BANP: variants seen among roughly 807,000 people sequenced by gnomAD.
BANP encodes the protein protein BANP.
Under a neutral mutation model 68.1 loss-of-function variants are expected in BANP, and 11 were observed. The observed-to-expected ratio is 0.16, with a 90% CI of 0.10 to 0.27. BANP has a LOEUF of 0.27. Ranked by LOEUF, BANP falls within the 10% of genes least tolerant of loss-of-function variation. The probability of loss-of-function intolerance (pLI) is 1.00; values close to 1 mark genes in which losing one functional copy is unlikely to be tolerated. For missense variants in BANP, 504 were observed against 722.7 expected (o/e 0.70, Z 3.47); for synonymous variants, 329 against 303.2 (o/e 1.09, Z -0.88).
At chr16:88,025,275 C>G (rs2076765874) in intron 7 of BANP, among the ~76,000 whole-genome samples, 1 of 150,112 alleles carries the variant, frequency 6.7e-6, no homozygotes, top group Admixed American at 6.6e-5. Flanking sequence ...CAGCTGGGCT[C>G]TCCTGTAAGG....
chr16:87,973,958 T>A (rs1331048321), intron 1 of BANP, among the ~76,000 whole-genome samples: 2 of 152,088 alleles, frequency 1.3e-5, no homozygotes, highest in East Asian at 3.9e-4. Flanking sequence ...GTTGAAACCA[T>A]GTGACCTGAA....
chr16:87,982,187 C>T (rs781519791), intron 3 of BANP, among the ~76,000 whole-genome samples: 2 of 152,240 alleles, frequency 1.3e-5, no homozygotes, highest in Non-Finnish European at 2.9e-5. Context: ...ACAGAACACA[C>T]ATCTGTTGCA....
chr16:87,967,326 C>G (rs1416060360), intron 1 of BANP, among the ~76,000 whole-genome samples: 3 of 145,042 alleles, frequency 2.1e-5, no homozygotes, highest in African/African-American at 7.7e-5. Flanking sequence ...CCAGGCCGCT[C>G]TCCAACTCTG....
intron 2 of BANP, among the ~76,000 whole-genome samples, chr16:87,975,433 C>T (rs1231588887): frequency 6.6e-6 from 1 of 152,220 alleles, no homozygotes; most frequent in African/African-American, 2.4e-5. Context: ...CCTGCTCCCA[C>T]TCCTTGGGGG....
Position 88,002,255 on chromosome 16 carries a change from AG to A in BANP, c.363-2036del, listed in dbSNP as rs1006870599. Among the ~76,000 whole-genome samples, 2 of 150,772 alleles carry A rather than the reference AG, an allele frequency of 1.3e-5. No homozygotes were observed. Among genetic ancestry groups the A allele is most frequent in the Non-Finnish European group, 3.0e-5 (2 of 67,482 alleles). ...CCTTGGCTTCTTTGAGTTGTGTGCCAGGGGTCTCAGTGGTCTGTCCTCAGAA... is the reference window on the plus strand; with the variant it reads ...CCTTGGCTTCTTTGAGTTGTGTGCCAGGGTCTCAGTGGTCTGTCCTCAGAA... On this transcript the variant is annotated intron_variant, in intron 4 of 13. Transcript: ENST00000682872. This position sits in a 1 kb window ranked among gnomAD's most constrained non-coding sequence, Gnocchi z 4.6.
rs886844055 is a variant in BANP at position 88,018,084 on chromosome 16, C to T, written c.656-344C>T. ...GGTTCCGCTCTGCAGGTGGCTGGGGCAGGTACCAACTGTGTGCAAGGATAT... is the reference window on the plus strand; with the variant it reads ...GGTTCCGCTCTGCAGGTGGCTGGGGTAGGTACCAACTGTGTGCAAGGATAT... On this transcript the variant is annotated intron_variant, in intron 6 of 13. Coordinates refer to ENST00000682872, the MANE Select transcript of BANP (RefSeq NM_001386991.1). The surrounding 1 kb of genome is among the most constrained non-coding windows in gnomAD (Gnocchi z 7.7). Among the ~76,000 whole-genome samples the T allele has an allele frequency of 2.6e-5, 4 of 152,040 alleles. No individual in the cohort carries two copies. Among genetic ancestry groups the T allele is most frequent in the Admixed American group, 1.3e-4 (2 of 15,268 alleles).
chr16:87,979,853 T>TA (rs34284117), intron 2 of BANP, among the ~76,000 whole-genome samples: 1 of 152,326 alleles, frequency 6.6e-6, no homozygotes, highest in South Asian at 2.1e-4. Context: ...TAGTCCCAGC[T>TA]ACTTGGGCTG....
At chr16:87,977,291 C>A (rs1452573725) in intron 2 of BANP, among the ~76,000 whole-genome samples, 4 of 152,228 alleles carry the variant, frequency 2.6e-5, no homozygotes, top group African/African-American at 9.6e-5. Flanking sequence ...TGGTGGCGGG[C>A]GCCTGTAGTC....
chr16:88,017,748 C>G (rs527916301), intron 6 of BANP, among the ~76,000 whole-genome samples: 1 of 152,378 alleles, frequency 6.6e-6, no homozygotes, highest in South Asian at 2.1e-4. Context: ...GGCACCGTGT[C>G]TCCTCCATGT....
Position 88,076,619 on chromosome 16 carries a change from G to C in BANP, c.1551G>C (p.Gln517His). ...QTAEALQPTL[Q>H]PEMQLEHGAI... is the part of the protein sequence containing the mutation. Reference sequence around the variant, plus strand: ...CCGAAGCCCTGCAGCCCACGCTACAGCCGGAGATGCAGCTCGAGCACGGGG... The same window carrying C: ...CCGAAGCCCTGCAGCCCACGCTACACCCGGAGATGCAGCTCGAGCACGGGG... The change falls in exon 14 of 14, where the codon CAG (glutamine) becomes CAC (histidine). Residue 517 changes from glutamine to histidine, a missense_variant. Around this residue, in one of 3 missense-constraint regions of BANP, gnomAD observed 223 missense variants for 246.2 expected, o/e 0.91. Coordinates refer to ENST00000682872, the MANE Select transcript of BANP (RefSeq NM_001386991.1). 6.2e-7 allele frequency: 1 copy of C among 1,611,980 alleles called. No homozygotes were observed. The highest frequency in any genetic ancestry group is 8.5e-7 in the Non-Finnish European group (1 of 1,179,740).
rs150577532 is a variant in BANP, at chr16:88,068,853, G to A, written c.1378-3216G>A. On this transcript the variant is annotated intron_variant, in intron 12 of 13. Coordinates refer to ENST00000682872, the MANE Select transcript of BANP (RefSeq NM_001386991.1). ...TCTCTCTTCCTTTCTTGGGAAGAAGGTTCTCTCTGCAGGGGCTCCACCTCC... is the reference window on the plus strand; with the variant it reads ...TCTCTCTTCCTTTCTTGGGAAGAAGATTCTCTCTGCAGGGGCTCCACCTCC... Among the ~76,000 whole-genome samples, 375 of 151,508 alleles carry A rather than the reference G, an allele frequency of 2.5e-3. 2 individuals are homozygous for A. The highest frequency in any genetic ancestry group is 4.0e-3 in the Non-Finnish European group (272 of 67,900).
At position 87,981,073 on chromosome 16, in the gene BANP, A is replaced by G; in HGVS notation, c.108A>G (p.Glu36=). ...ATCATGTAGTGACAGATGAAGACGA[A>G]CCTGCTTTGAAACGCCAGCGACTAG... ...LENHVVTDED[E]PALKRQRLEI... Residue 36 remains glutamate (E), a synonymous_variant, in exon 3 of 14, where the codon GAA becomes GAG. Coordinates refer to ENST00000682872, the MANE Select transcript of BANP (RefSeq NM_001386991.1). 1 of 1,614,082 alleles carries G rather than the reference A, an allele frequency of 6.2e-7. No homozygotes were observed. Among genetic ancestry groups the G allele is most frequent in the African/African-American group, 1.3e-5 (1 of 75,050 alleles).
At chr16:88,040,116 C>T (rs117554332) in intron 11 of BANP, among the ~76,000 whole-genome samples, 8 of 152,224 alleles carry the variant, frequency 5.3e-5, no homozygotes, top group Non-Finnish European at 7.4e-5. Flanking sequence ...GGGTAGCGGG[C>T]GGAATCTTGG....
chr16:87,984,316 C>T, intron 4 of BANP, 57 bp downstream of exon 4: 2 of 1,432,574 alleles, frequency 1.4e-6, no homozygotes, highest in Non-Finnish European at 1.9e-6. Flanking sequence ...AGCGCGTCAC[C>T]TCCTCGCCCA....
rs111607086 is a variant in BANP, at chr16:87,985,723, G to A, written c.362+1464G>A. 2.1e-3 allele frequency among the ~76,000 whole-genome samples: 325 copies of A among 152,334 alleles called. 2 individuals carry two copies. Among genetic ancestry groups the A allele is most frequent in the African/African-American group, 6.7e-3 (277 of 41,578 alleles). On this transcript the variant is annotated intron_variant, in intron 4 of 13. Transcript: ENST00000682872. Reference sequence around the variant, plus strand: ...CCGGACGTCCCACCTGGTATGTTGCGTCCTGGTGACCGGGGGGCAGTCCCT... The same window carrying A: ...CCGGACGTCCCACCTGGTATGTTGCATCCTGGTGACCGGGGGGCAGTCCCT...
intron 3 of BANP, 32 bp from the exon 4 acceptor site, chr16:87,984,028 C>T: frequency 6.2e-7 from 1 of 1,610,088 alleles, no homozygotes; most frequent in South Asian, 1.1e-5. Context: ...TTCAGGAGAC[C>T]CTTCCTAAAG....
At chr16:88,032,578 A>C (rs1046061971) in intron 8 of BANP, among the ~76,000 whole-genome samples, 3 of 152,346 alleles carry the variant, frequency 2.0e-5, no homozygotes, top group African/African-American at 7.2e-5. Flanking sequence ...ATACATTGAA[A>C]ATTAAAAAGT....
intron 7 of BANP, 123 bp from the exon 8 acceptor site, chr16:88,027,360 C>G: frequency 9.3e-7 from 1 of 1,075,742 alleles, no homozygotes; most frequent in East Asian, 2.4e-5. Flanking sequence ...AAGACGGGGC[C>G]GGCCTGGCGG....
chr16:88,045,280 G>A (rs2081728090), intron 11 of BANP, among the ~76,000 whole-genome samples: 1 of 152,200 alleles, frequency 6.6e-6, no homozygotes, highest in Non-Finnish European at 1.5e-5. Flanking sequence ...TGGTCATATG[G>A]TGGGCATGGG....
Sources: allele counts gnomAD v4.1 joint callset (sites outside exome capture counted in the v4.1 genomes callset), GRCh38; gene constraint gnomAD v4.1.1; regional missense constraint gnomAD v4.1.1; non-coding constraint Gnocchi (gnomAD v3.1); transcripts MANE v1.5; gene names NCBI Gene and HGNC (gene_info 2026-07-23, HGNC 2026-07-21).